EFHC2: variants seen among roughly 807,000 people sequenced by gnomAD.
EFHC2 encodes EF-hand domain containing 2, also known as EF-hand domain-containing family member C2.
EFHC2 carries 18 observed loss-of-function variants against 52.7 expected under a neutral mutation model. That is an observed-to-expected ratio of 0.34 (90% CI 0.24 to 0.51). The LOEUF (loss-of-function observed/expected upper bound fraction) is 0.51. Ranked by LOEUF, EFHC2 falls within the 20% of genes least tolerant of loss-of-function variation. The pLI is 0.97. For synonymous variants in EFHC2, 203 were observed against 204.1 expected, an observed-to-expected ratio of 0.99 and a Z score of 0.04; for missense variants, 513 against 562.5, an observed-to-expected ratio of 0.91 and a Z score of 0.89.
At chrX:44,160,407 T>A (rs1380628214) in intron 14 of EFHC2, among the ~76,000 whole-genome samples, 1 of 111,510 alleles carries the variant, frequency 9.0e-6, no homozygotes, top group Non-Finnish European at 1.9e-5. Flanking sequence ...CTGCACCACA[T>A]GTAGTCAGAA....
chrX:44,195,069 A>G (rs929887684), intron 11 of EFHC2, among the ~76,000 whole-genome samples: 1 of 111,377 alleles, frequency 9.0e-6, no homozygotes, highest in Non-Finnish European at 1.9e-5. Flanking sequence ...CTTCCCTCTC[A>G]CTATCTATGC....
chrX:44,323,011 T>TA (rs1294546056), intron 1 of EFHC2, among the ~76,000 whole-genome samples: 71 of 105,514 alleles, frequency 6.7e-4, no homozygotes, highest in Non-Finnish European at 8.3e-4. Flanking sequence ...AGACTCCGTC[T>TA]AAAAAAAAAA....
rs1164497194 is a variant in EFHC2, at chrX:44,338,509, C to G, written c.42+5038G>C. Among the ~76,000 whole-genome samples the G allele has an allele frequency of 1.4e-4, 15 of 106,735 alleles. No individual in the cohort carries two copies. The Admixed American group carries it at 1.5e-3, about 11-fold the overall frequency. 92.7% of individuals were successfully genotyped at this position (106,735 alleles called of 115,157 possible). On this transcript the variant is annotated intron_variant, in intron 1 of 14. Transcript: ENST00000420999. Reference sequence around the variant, plus strand: ...CCTGGGAGAAAGAGCAAGACCCTATCGCAAAAAAAAAAAGATGGAGATGGC... The same window carrying G: ...CCTGGGAGAAAGAGCAAGACCCTATGGCAAAAAAAAAAAGATGGAGATGGC...
intron 11 of EFHC2, among the ~76,000 whole-genome samples, chrX:44,183,912 C>T (rs1434576305): frequency 8.9e-6 from 1 of 112,349 alleles, no homozygotes; most frequent in Non-Finnish European, 1.9e-5. Context: ...ATTACATTGA[C>T]TTGTATTAAA....
chrX:44,263,583 G>A (rs2037556406), intron 3 of EFHC2, among the ~76,000 whole-genome samples: 1 of 111,698 alleles, frequency 9.0e-6, no homozygotes, highest in African/African-American at 3.2e-5. Flanking sequence ...ATTTTACTGT[G>A]AAAAAATTAT....
intron 1 of EFHC2, among the ~76,000 whole-genome samples, chrX:44,319,545 T>C (rs2038004826): frequency 8.9e-6 from 1 of 112,112 alleles, no homozygotes; most frequent in Non-Finnish European, 1.9e-5. Flanking sequence ...AGGGTGAGTC[T>C]CAATTTGGTA....
At chrX:44,309,474 C>G in intron 2 of EFHC2, 1 of 1,199,836 alleles carries the variant, frequency 8.3e-7, no homozygotes, top group Non-Finnish European at 1.1e-6. Flanking sequence ...TGCTAAAACC[C>G]AGTTCCAGCA....
intron 2 of EFHC2, among the ~76,000 whole-genome samples, chrX:44,281,749 T>C (rs927989468): frequency 1.8e-5 from 2 of 111,920 alleles, no homozygotes; most frequent in African/African-American, 6.5e-5. Flanking sequence ...TTTTAGAAAA[T>C]ATGGCTAAAC....
In EFHC2 at chrX:44,248,376, C is replaced by G. The variant is rs2037416464; in HGVS notation, c.1007G>C (p.Ser336Thr). Residue 336 changes from serine (S) to threonine (T), a missense_variant, in exon 7 of 15, where the codon AGT becomes ACT. Physicochemically the swap from Ser to Thr is moderately conservative, Grantham distance 58. Transcript: ENST00000420999. ...GKVDQEFYKD[S>T]DLSLGVTINV... is the part of the protein sequence containing the mutation. ...GATGGTGACTCCTAGGGACAGGTCA[C>G]TATCTTTGTAAAACTCTTGGTCTAC... 1 of 1,186,281 alleles carries G rather than the reference C, an allele frequency of 8.4e-7. No homozygotes were observed. Among genetic ancestry groups the G allele is most frequent in the African/African-American group, 1.8e-5 (1 of 57,053 alleles).
At chrX:44,233,641 T>C (rs2037296275) in intron 9 of EFHC2, among the ~76,000 whole-genome samples, 1 of 111,625 alleles carries the variant, frequency 9.0e-6, no homozygotes, top group African/African-American at 3.3e-5. Context: ...AGCTCTGTCA[T>C]TTGTTCGCTC....
chrX:44,166,702 G>A (rs921032921), intron 13 of EFHC2, among the ~76,000 whole-genome samples: 1 of 111,320 alleles, frequency 9.0e-6, no homozygotes, highest in African/African-American at 3.3e-5. Flanking sequence ...TCAATCCTAG[G>A]GGTTTCAGAA....
intron 2 of EFHC2, among the ~76,000 whole-genome samples, chrX:44,291,386 A>G (rs181562390): frequency 9.5e-4 from 107 of 112,311 alleles, no homozygotes; most frequent in African/African-American, 3.2e-3. Flanking sequence ...AAAAAGATAA[A>G]TTACAGAGGG....
chrX:44,255,664 C>T (rs1408113278), intron 4 of EFHC2, among the ~76,000 whole-genome samples: 1 of 111,346 alleles, frequency 9.0e-6, no homozygotes, highest in Non-Finnish European at 1.9e-5. Context: ...GACTCCCACA[C>T]AATAATAATG....
intron 13 of EFHC2, among the ~76,000 whole-genome samples, chrX:44,167,682 T>C (rs963015850): frequency 9.9e-5 from 11 of 111,440 alleles, no homozygotes; most frequent in African/African-American, 3.6e-4. Context: ...AAAGGAAGAG[T>C]TGTGGTAATG....
At chrX:44,319,229 C>T (rs950462678) in intron 1 of EFHC2, among the ~76,000 whole-genome samples, 1 of 110,202 alleles carries the variant, frequency 9.1e-6, no homozygotes, top group Non-Finnish European at 1.9e-5. Flanking sequence ...TCTCAAACTC[C>T]CAGGCTCAAG....
At chrX:44,199,848 A>G (rs1181746091) in intron 11 of EFHC2, among the ~76,000 whole-genome samples, 1 of 112,145 alleles carries the variant, frequency 8.9e-6, no homozygotes, top group African/African-American at 3.2e-5. Flanking sequence ...AACATCAGAC[A>G]ACTCCAAATT....
chrX:44,338,117 T>G (rs1352592625), intron 1 of EFHC2, among the ~76,000 whole-genome samples: 1 of 111,604 alleles, frequency 9.0e-6, no homozygotes, highest in African/African-American at 3.3e-5. Flanking sequence ...ACAGTGTGAA[T>G]GTACCAAGTA....
chrX:44,336,517 G>A lies in EFHC2; in HGVS notation c.42+7030C>T, dbSNP rs778514041. On this transcript the variant is annotated intron_variant, in intron 1 of 14. Coordinates refer to ENST00000420999, the MANE Select transcript of EFHC2 (RefSeq NM_025184.4). ...TAACAGAAATTCTCAATCATTGCTG[G>A]TGGGAATGCAAAATGGTAATTTCTT... 5.6e-4 allele frequency among the ~76,000 whole-genome samples: 63 copies of A among 111,908 alleles called. 1 individual carries two copies. Among genetic ancestry groups the A allele is most frequent in the African/African-American group, 1.9e-3 (60 of 30,898 alleles).
intron 1 of EFHC2, among the ~76,000 whole-genome samples, chrX:44,320,277 G>T (rs2038010035): frequency 8.9e-6 from 1 of 111,843 alleles, no homozygotes; most frequent in Non-Finnish European, 1.9e-5. Flanking sequence ...TGGGAGGAGG[G>T]CAGGAATTAA....
Sources: gnomAD v4.1 joint callset for allele counts (sites outside exome capture counted in the v4.1 genomes callset) on GRCh38, gnomAD v4.1.1 for gene constraint, MANE v1.5 for transcripts, NCBI Gene and HGNC (gene_info 2026-07-23, HGNC 2026-07-21) for gene names.